Variants in SETD9 observed in about 807,000 individuals in gnomAD.
SETD9 encodes SET domain containing 9, also known as SET domain-containing protein 9.
SETD9 carries 37 observed loss-of-function variants against 36.4 expected under a neutral mutation model. The observed-to-expected ratio is 1.02, with a 90% CI of 0.78 to 1.34. The LOEUF (loss-of-function observed/expected upper bound fraction) is 1.34, where lower values mean the gene tolerates loss of function less well. Ranked by LOEUF, SETD9 falls within the 40% of genes most tolerant of loss-of-function variation. The pLI is 0.00. For synonymous variants in SETD9, 128 were observed against 132.9 expected (o/e 0.96, Z 0.26); for missense variants, 323 against 353.2 (o/e 0.91, Z 0.69).
intron 1 of SETD9, chr5:56,910,812 G>A (rs1295536890): frequency 2.2e-5 from 4 of 181,964 alleles, no homozygotes; most frequent in Admixed American, 5.5e-5. Flanking sequence ...GGTGTAGTAC[G>A]GGAAAGAGCT....
At chr5:56,911,106 A>T (rs1429417827) in intron 1 of SETD9, 63 bp from the exon 2 acceptor site, 1 of 1,491,642 alleles carries the variant, frequency 6.7e-7, no homozygotes, top group African/African-American at 1.4e-5. Flanking sequence ...CCCAGAAGTT[A>T]TGCAGGTAAG....
At chr5:56,915,830 GGTGTGTACCTGTA>G (rs1749397225) in intron 5 of SETD9, among the ~76,000 whole-genome samples, 1 of 152,008 alleles carries the variant, frequency 6.6e-6, no homozygotes, top group African/African-American at 2.4e-5. Flanking sequence ...TGGGTGTGGT[GGTGTGTACCTGTA>G]GTCCCAGCTA....
intron 5 of SETD9, among the ~76,000 whole-genome samples, chr5:56,915,210 T>A (rs1387298618): frequency 1.3e-5 from 2 of 152,190 alleles, no homozygotes; most frequent in African/African-American, 2.4e-5. Flanking sequence ...TTCATAAGTA[T>A]CCACCTTAAA....
intron 1 of SETD9, 31 bp from the exon 2 acceptor site, chr5:56,911,138 G>A (rs1749096023): frequency 6.6e-7 from 1 of 1,512,866 alleles, no homozygotes. Flanking sequence ...TCAGTTGAAG[G>A]GTAGTGAATA....
In SETD9 at chr5:56,911,396, C is replaced by T. The variant is rs1005837173; in HGVS notation, c.326C>T (p.Thr109Ile). The T allele has an allele frequency of 8.7e-6, 14 of 1,613,648 alleles. No homozygotes were observed. The highest frequency in any genetic ancestry group is 1.2e-5 in the Non-Finnish European group (14 of 1,179,936). Reference protein sequence around the residue: ...LLENRHQQQSTFKPEEILYKT... With the variant: ...LLENRHQQQSIFKPEEILYKT... ...GAAAACAGACATCAACAGCAAAGTA[C>T]CTTTAAACCAGAAGAAATTCTTTAC... is the stretch of plus-strand genomic sequence containing the variant. The change falls in exon 2 of 6, where the codon ACC becomes ATC. Residue 109 changes from threonine to isoleucine, a missense_variant. Physicochemically the swap from Thr to Ile is moderately conservative, Grantham distance 89 (BLOSUM62 -1). Coordinates refer to ENST00000285947, the MANE Select transcript of SETD9 (RefSeq NM_153706.4).
downstream of SETD9, among the ~76,000 whole-genome samples, chr5:56,918,968 A>C (rs1201670987): frequency 6.6e-6 from 1 of 152,226 alleles, no homozygotes; most frequent in Non-Finnish European, 1.5e-5. Context: ...GATAAGGAAG[A>C]CTAGTTGACC....
chr5:56,912,014 G>A (rs1191891798), intron 2 of SETD9: 1 of 172,388 alleles, frequency 5.8e-6, no homozygotes, highest in Non-Finnish European at 1.2e-5. Flanking sequence ...AATTAGCCAG[G>A]TGTGGTGGTG....
chr5:56,917,832 C>T (rs957677378), downstream of SETD9, among the ~76,000 whole-genome samples: 21 of 152,168 alleles, frequency 1.4e-4, no homozygotes, highest in Non-Finnish European at 2.6e-4. Flanking sequence ...GTTACTTTGA[C>T]CTCCATCGAC....
At chr5:56,919,055 T>C (rs1005644877), downstream of SETD9, among the ~76,000 whole-genome samples, 1 of 151,964 alleles carries the variant, frequency 6.6e-6, no homozygotes, top group African/African-American at 2.4e-5. Flanking sequence ...GACAGTTACC[T>C]AGAACAGCGT....
At chr5:56,909,785 G>C (rs1477188148) in intron 1 of SETD9, 42 bp downstream of exon 1, 2 of 1,546,524 alleles carry the variant, frequency 1.3e-6, no homozygotes, top group Non-Finnish European at 1.8e-6. Flanking sequence ...CCTGCCTTCG[G>C]TTCCCAGACG....
At chr5:56,917,496 C>A (rs990392170), downstream of SETD9, 8 of 215,980 alleles carry the variant, frequency 3.7e-5, no homozygotes, top group Admixed American at 1.3e-4. Context: ...GTGGGAGGAA[C>A]ACTTATTCCC....
At chr5:56,912,633 A>T (rs186825744) in intron 2 of SETD9, among the ~76,000 whole-genome samples, 2 of 152,312 alleles carry the variant, frequency 1.3e-5, no homozygotes, top group African/African-American at 2.4e-5. Context: ...ATCTATTCCC[A>T]TATGTGTCTA....
At position 56,913,028 on chromosome 5, in the gene SETD9, T is replaced by C. The variant is rs1456248963; in HGVS notation, c.484T>C (p.Tyr162His). ...TGTAATAGGTACAGTATATCAGAAGTATGAGCCGATCTTTTTCCAGTCCAT... is the reference window on the plus strand; with the variant it reads ...TGTAATAGGTACAGTATATCAGAAGCATGAGCCGATCTTTTTCCAGTCCAT... ...SMYPGTVYQKYEPIFFQSIGN... is the reference protein window; with the variant it reads ...SMYPGTVYQKHEPIFFQSIGN... The change falls in exon 3 of 6, where the codon TAT (tyrosine) becomes CAT (histidine). Residue 162 changes from tyrosine to histidine, a missense_variant. Physicochemically the swap from Tyr to His is moderately conservative, Grantham distance 83 (BLOSUM62 2). Coordinates refer to ENST00000285947, the MANE Select transcript of SETD9 (RefSeq NM_153706.4). 1 of 1,614,008 alleles carries C rather than the reference T, an allele frequency of 6.2e-7. No individual in the cohort carries two copies.
intron 3 of SETD9, among the ~76,000 whole-genome samples, 187 bp downstream of exon 3, chr5:56,913,321 T>G (rs1280643812): frequency 6.6e-6 from 1 of 152,136 alleles, no homozygotes; most frequent in African/African-American, 2.4e-5. Context: ...TCCAAAGTGC[T>G]GGGATTACAG....
intron 1 of SETD9, 78 bp downstream of exon 1, chr5:56,909,821 G>A (rs989522507): frequency 1.5e-5 from 20 of 1,360,520 alleles, no homozygotes; most frequent in Admixed American, 1.0e-4. Context: ...GACGCAAAGC[G>A]GAGAGCCTGA....
chr5:56,914,930 A>G lies in SETD9; in HGVS notation c.776A>G (p.Tyr259Cys). Residue 259 changes from tyrosine (Y) to cysteine (C), a missense_variant, in exon 5 of 6, where the codon TAT becomes TGT. Tyr to Cys is a radical substitution (Grantham distance 194, BLOSUM62 -2). Coordinates refer to ENST00000285947, the MANE Select transcript of SETD9 (RefSeq NM_153706.4). ...PAVFPIELKQ[Y>C]LPNIAYSYDK... ...GTTTTCCCTATAGAACTGAAGCAGT[A>G]TCTTCCAAACATTGCCTACAGCTAT... 6.3e-7 allele frequency: 1 copy of G among 1,598,962 alleles called. No individual in the cohort carries two copies. The highest frequency in any genetic ancestry group is 1.3e-5 in the African/African-American group (1 of 74,876).
At chr5:56,914,082 T>C in intron 4 of SETD9, 93 bp downstream of exon 4, 3 of 798,342 alleles carry the variant, frequency 3.8e-6, no homozygotes. Context: ...CAGTTGAGTA[T>C]AACATATAAT....
chr5:56,916,765 G>A (rs764491330), intron 5 of SETD9, 50 bp from the exon 6 acceptor site: 1 of 1,567,548 alleles, frequency 6.4e-7, no homozygotes, highest in Non-Finnish European at 8.6e-7. Flanking sequence ...TTAAAAATAT[G>A]AGCTTATATT....
chr5:56,916,565 A>G (rs1749437730), intron 5 of SETD9, among the ~76,000 whole-genome samples: 2 of 152,212 alleles, frequency 1.3e-5, no homozygotes, highest in East Asian at 3.8e-4. Flanking sequence ...GCCTAAACTT[A>G]GAAACAATGT....
Sources: gnomAD v4.1 joint callset for allele counts (sites outside exome capture counted in the v4.1 genomes callset) on GRCh38, gnomAD v4.1.1 for gene constraint, MANE v1.5 for transcripts, NCBI Gene and HGNC (gene_info 2026-07-23, HGNC 2026-07-21) for gene names.